The following SCUBE2 variants were observed in gnomAD, a reference collection of about 807,000 sequenced individuals.
SCUBE2 encodes the protein signal peptide, CUB and EGF-like domain-containing protein 2.
SCUBE2 carries 114 observed loss-of-function variants against 125.9 expected under a neutral mutation model. The observed-to-expected ratio is 0.91, with a 90% CI of 0.78 to 1.06. The LOEUF (loss-of-function observed/expected upper bound fraction) is 1.06, where lower values mean the gene tolerates loss of function less well. Among genes scored for constraint, SCUBE2 ranks in the 50% least tolerant of loss-of-function variants. The pLI, the probability that SCUBE2 is intolerant of heterozygous loss-of-function variation, is 0.00. For missense variants in SCUBE2, 1,255 were observed against 1,301.8 expected (o/e 0.96, Z 0.55); for synonymous variants, 459 against 492.9 (o/e 0.93, Z 0.91).
chr11:9,025,151 T>C (rs113675845), intron 21 of SCUBE2, among the ~76,000 whole-genome samples: 1,770 of 152,206 alleles, frequency 0.012, 34 homozygotes, highest in African/African-American at 0.04. Flanking sequence ...ATGAAGAAAA[T>C]TAAAACAGAA....
At chr11:9,069,299 A>C in intron 5 of SCUBE2, 71 bp downstream of exon 5, 1 of 1,590,514 alleles carries the variant, frequency 6.3e-7, no homozygotes, top group Non-Finnish European at 8.6e-7. Flanking sequence ...GGTGCTTCTG[A>C]GCTGGGCCAC....
chr11:9,021,933 T>C lies in SCUBE2; in HGVS notation c.2877A>G (p.Glu959=). The change falls in exon 22 of 23, where the codon GAA becomes GAG. Residue 959 remains glutamate, a synonymous_variant. Transcript: ENST00000649792. ...TYDEDYQELI[E]DIVRDGRLYA... ...AGAGCCTGCCATCTCGAACTATGTC[T>C]TCAATGAGTTCCTGGTAGTCCTCTG... 6.2e-7 allele frequency: 1 copy of C among 1,613,678 alleles called. No homozygotes were observed. The highest frequency in any genetic ancestry group is 8.5e-7 in the Non-Finnish European group (1 of 1,179,548).
intron 5 of SCUBE2, among the ~76,000 whole-genome samples, chr11:9,067,573 G>A (rs7107892): frequency 0.74 from 113,276 of 152,102 alleles, 42,449 homozygotes; most frequent in Non-Finnish European, 0.79. Context: ...GATTATAGCT[G>A]TGTAAAAATT....
chr11:9,045,169 T>G (rs1225097805), intron 16 of SCUBE2, among the ~76,000 whole-genome samples: 1 of 152,194 alleles, frequency 6.6e-6, no homozygotes, highest in African/African-American at 2.4e-5. Context: ...CAATTGGTGC[T>G]CAATAAATAT....
chr11:9,025,272 A>T (rs1340714170), intron 21 of SCUBE2, among the ~76,000 whole-genome samples: 1 of 152,248 alleles, frequency 6.6e-6, no homozygotes, highest in Non-Finnish European at 1.5e-5. Flanking sequence ...AATCATCAGA[A>T]GTTAATATTT....
intron 5 of SCUBE2, 114 bp downstream of exon 5, chr11:9,069,256 G>T: frequency 7.2e-7 from 1 of 1,398,448 alleles, no homozygotes; most frequent in Non-Finnish European, 9.9e-7. Context: ...CGTGCTAACT[G>T]CCTTCCCTGC....
chr11:9,043,411 C>A (rs1021624572), intron 16 of SCUBE2, among the ~76,000 whole-genome samples: 1 of 151,888 alleles, frequency 6.6e-6, no homozygotes, highest in African/African-American at 2.4e-5. Flanking sequence ...ACATGAAGAA[C>A]TTTATGAAGT....
intron 4 of SCUBE2, among the ~76,000 whole-genome samples, chr11:9,072,905 A>G (rs1860921273): frequency 1.3e-5 from 2 of 152,130 alleles, no homozygotes; most frequent in Non-Finnish European, 2.9e-5. Context: ...GTCTCTAATC[A>G]GTCCGGGGGC....
chr11:9,049,496 T>G (rs527645630), intron 14 of SCUBE2, among the ~76,000 whole-genome samples: 3 of 152,290 alleles, frequency 2.0e-5, no homozygotes, highest in Admixed American at 1.3e-4. Flanking sequence ...TCTGCCTGCC[T>G]TGGCCTCCCA....
chr11:9,048,617 T>A (rs1858036448), intron 14 of SCUBE2, among the ~76,000 whole-genome samples: 1 of 152,176 alleles, frequency 6.6e-6, no homozygotes. Context: ...CATTTTTAAA[T>A]AACCAGGAGC....
intron 4 of SCUBE2, among the ~76,000 whole-genome samples, chr11:9,069,776 C>G (rs1172286283): frequency 2.0e-5 from 3 of 152,228 alleles, no homozygotes; most frequent in Non-Finnish European, 4.4e-5. Flanking sequence ...TCAGAGCCTG[C>G]TGACCCCAGG....
intron 15 of SCUBE2, 83 bp downstream of exon 15, chr11:9,047,860 C>T (rs531153195): frequency 6.8e-7 from 1 of 1,464,002 alleles, no homozygotes; most frequent in Admixed American, 2.2e-5. Context: ...TACTTTTCCC[C>T]CAAGAATAAT....
intron 16 of SCUBE2, among the ~76,000 whole-genome samples, chr11:9,046,163 C>A (rs754074349): frequency 6.6e-6 from 1 of 151,950 alleles, no homozygotes; most frequent in South Asian, 2.1e-4. Context: ...CGCGCCACCA[C>A]GCCCAGCTAA....
intron 4 of SCUBE2, among the ~76,000 whole-genome samples, chr11:9,072,214 G>T (rs1456470591): frequency 1.3e-5 from 2 of 149,122 alleles, no homozygotes; most frequent in Non-Finnish European, 3.0e-5. Context: ...TGTTTTGTTT[G>T]TTTTGTTTTA....
intron 17 of SCUBE2, among the ~76,000 whole-genome samples, chr11:9,032,567 C>A (rs1037602462): frequency 1.3e-5 from 2 of 152,174 alleles, no homozygotes; most frequent in Admixed American, 1.3e-4. Flanking sequence ...AACCCCATCT[C>A]TGCTAAAATA....
intron 16 of SCUBE2, among the ~76,000 whole-genome samples, chr11:9,045,153 G>A (rs1436135846): frequency 6.6e-6 from 1 of 152,010 alleles, no homozygotes; most frequent in East Asian, 1.9e-4. Flanking sequence ...AATGGTACCT[G>A]GCACACAATT....
In SCUBE2 at chr11:9,060,627, T is replaced by A. The variant is rs1166302298; in HGVS notation, c.851-103A>T. The A allele has an allele frequency of 4.5e-6, 4 of 897,772 alleles. No individual in the cohort carries two copies. In the African/African-American group the frequency reaches 6.5e-5, roughly 15 times the overall value. 55.6% of individuals were successfully genotyped at this position (897,772 alleles called of 1,614,324 possible). A position where few individuals can be genotyped will look rare whatever the true frequency, so the allele number is the denominator to read the frequency against. On this transcript the variant is annotated intron_variant, in intron 7 of 22. Coordinates refer to ENST00000649792, the MANE Select transcript of SCUBE2 (RefSeq NM_001367977.2). ...AAGCATGGTGGGGTACTCATGGTCA[T>A]ACCCCAAGTCTCTGCTACCTGCAGA...
rs756229714 is a variant in SCUBE2 at position 9,053,236 on chromosome 11, A to T, written c.1331-21T>A. 4 of 1,586,232 alleles carry T rather than the reference A, an allele frequency of 2.5e-6. No homozygotes were observed. In the South Asian group the frequency reaches 4.4e-5, roughly 18 times the overall value. On this transcript the variant is annotated intron_variant, in intron 11 of 22. Transcript: ENST00000649792. ...CACTTCTAGACAGGACAAAACAGAC[A>T]CTTACAGAAAGAGAAGGACATTTCC...
At chr11:9,032,507 G>A (rs1257936186) in intron 17 of SCUBE2, among the ~76,000 whole-genome samples, 1 of 152,162 alleles carries the variant, frequency 6.6e-6, no homozygotes, top group Middle Eastern at 3.2e-3. Flanking sequence ...GCCGAGGCAG[G>A]TGGATCACCT....
Sources: gnomAD v4.1 joint callset for allele counts (sites outside exome capture counted in the v4.1 genomes callset) on GRCh38, gnomAD v4.1.1 for gene constraint, MANE v1.5 for transcripts, NCBI Gene and HGNC (gene_info 2026-07-23, HGNC 2026-07-21) for gene names.